The following C1QTNF3 variants were observed in gnomAD, a reference collection of about 807,000 sequenced individuals.
The protein encoded by C1QTNF3 is C1q and TNF related 3, also known as complement C1q tumor necrosis factor-related protein 3.
C1QTNF3 carries 26 observed loss-of-function variants against 32.6 expected under a neutral mutation model. The ratio of observed to expected loss-of-function variants is 0.80; its 90% CI spans 0.58 to 1.11. The LOEUF (loss-of-function observed/expected upper bound fraction) is 1.11. Ranked by LOEUF, C1QTNF3 falls within the 50% of genes least tolerant of loss-of-function variation. The pLI is 0.00. For synonymous variants in C1QTNF3, 155 were observed against 146.0 expected, an observed-to-expected ratio of 1.06 and a Z score of -0.44; for missense variants, 362 against 398.2, an observed-to-expected ratio of 0.91 and a Z score of 0.77.
intron 1 of C1QTNF3, among the ~76,000 whole-genome samples, chr5:34,037,992 G>A (rs1754782234): frequency 6.6e-6 from 1 of 152,126 alleles, no homozygotes; most frequent in African/African-American, 2.4e-5. Flanking sequence ...ATCCTCAAGT[G>A]GAACCATCGA....
the C1QTNF3 span, among the ~76,000 whole-genome samples, chr5:34,177,536 G>C: frequency 1.4e-5 from 2 of 145,766 alleles, no homozygotes; most frequent in African/African-American, 2.6e-5. Flanking sequence ...GCCCAGGCTG[G>C]AGTGCAGTGG....
chr5:34,156,609 T>C, the C1QTNF3 span, among the ~76,000 whole-genome samples: 3 of 152,188 alleles, frequency 2.0e-5, no homozygotes, highest in Admixed American at 2.0e-4. Flanking sequence ...TTCCCTACTT[T>C]ATTTGCACAG....
At chr5:34,045,723 A>C (rs1284194432), upstream of C1QTNF3, among the ~76,000 whole-genome samples, 1 of 151,950 alleles carries the variant, frequency 6.6e-6, no homozygotes, top group Non-Finnish European at 1.5e-5. Flanking sequence ...TTCTGCAAAG[A>C]AGGATCTCTC....
chr5:34,165,507 CT>C, the C1QTNF3 span: 2 of 152,126 alleles, frequency 1.3e-5, no homozygotes, highest in Admixed American at 1.3e-4. Context: ...AACACAGCAT[CT>C]GGTATTTAAA....
At chr5:34,169,006 G>A in the C1QTNF3 span, 1 of 152,228 alleles carries the variant, frequency 6.6e-6, no homozygotes, top group East Asian at 1.9e-4. Flanking sequence ...TTGAAAGAGG[G>A]AGTTTGGTCC....
the C1QTNF3 span, among the ~76,000 whole-genome samples, chr5:34,225,274 G>A: frequency 6.6e-6 from 1 of 151,950 alleles, no homozygotes; most frequent in Non-Finnish European, 1.5e-5. Flanking sequence ...AGAATTAAAT[G>A]AGTTATATAG....
chr5:34,155,156 A>C, the C1QTNF3 span, among the ~76,000 whole-genome samples: 1 of 152,178 alleles, frequency 6.6e-6, no homozygotes, highest in Non-Finnish European at 1.5e-5. Flanking sequence ...ATTATGACTA[A>C]AAAGGAGAAA....
At chr5:34,043,534 T>C (rs1179092631), upstream of C1QTNF3, 5 of 175,772 alleles carry the variant, frequency 2.8e-5, no homozygotes, top group Non-Finnish European at 6.0e-5. Context: ...TTTGGAAAAA[T>C]CTACCCTTGT....
At chr5:34,126,729 G>GTA in the C1QTNF3 span, among the ~76,000 whole-genome samples, 38 of 151,058 alleles carry the variant, frequency 2.5e-4, no homozygotes, top group Admixed American at 8.6e-4. Context: ...AGAAAAGGTG[G>GTA]TATATATATA....
the C1QTNF3 span, among the ~76,000 whole-genome samples, chr5:34,057,817 C>A: frequency 6.6e-6 from 1 of 152,264 alleles, no homozygotes; most frequent in Admixed American, 6.5e-5. Context: ...GTGAAGTAGG[C>A]CAGGAGGTGC....
chr5:34,218,697 TAATA>T, the C1QTNF3 span, among the ~76,000 whole-genome samples: 1 of 152,092 alleles, frequency 6.6e-6, no homozygotes, highest in Admixed American at 6.6e-5. Flanking sequence ...TATGCACTGA[TAATA>T]AATAAGAGTT....
chr5:34,161,040 C>T, the C1QTNF3 span, among the ~76,000 whole-genome samples: 1 of 152,170 alleles, frequency 6.6e-6, no homozygotes, highest in African/African-American at 2.4e-5. Context: ...GGGCATACTT[C>T]TGTCAGACAA....
At chr5:34,117,746 AG>A in the C1QTNF3 span, among the ~76,000 whole-genome samples, 108 of 152,172 alleles carry the variant, frequency 7.1e-4, 1 homozygote, top group East Asian at 9.1e-3. Context: ...ACTCCAGACT[AG>A]GCGACAGAGT....
At chr5:34,182,518 T>TA in the C1QTNF3 span, among the ~76,000 whole-genome samples, 16 of 129,896 alleles carry the variant, frequency 1.2e-4, no homozygotes, top group East Asian at 1.7e-3. Flanking sequence ...AATAAATAAA[T>TA]AAAAAATCTG....
chr5:34,125,279 T>G, the C1QTNF3 span, among the ~76,000 whole-genome samples: 1 of 152,000 alleles, frequency 6.6e-6, no homozygotes, highest in African/African-American at 2.4e-5. Context: ...AAGGAAATTT[T>G]ATAATATTTC....
the C1QTNF3 span, among the ~76,000 whole-genome samples, chr5:34,244,317 CAGCT>C: frequency 6.6e-6 from 1 of 152,122 alleles, no homozygotes; most frequent in Admixed American, 6.5e-5. Context: ...GTGAGTGTTA[CAGCT>C]CTGCGCAGAG....
At chr5:34,141,952 G>A in the C1QTNF3 span, among the ~76,000 whole-genome samples, 1 of 151,964 alleles carries the variant, frequency 6.6e-6, no homozygotes, top group Admixed American at 6.5e-5. Flanking sequence ...TGGGAGTGCC[G>A]AGCCAAGATC....
At chr5:34,113,449 G>A in the C1QTNF3 span, among the ~76,000 whole-genome samples, 1 of 151,470 alleles carries the variant, frequency 6.6e-6, no homozygotes, top group African/African-American at 2.4e-5. Context: ...AATATGTTTT[G>A]TTTTTCTCTT....
Position 34,043,118 on chromosome 5 carries a change from C to G in C1QTNF3, c.8G>C (p.Trp3Ser), listed in dbSNP as rs748777817. 36 of 1,611,744 alleles carry G rather than the reference C, an allele frequency of 2.2e-5. 1 individual carries two copies. The South Asian group carries it at 3.8e-4, about 17-fold the overall frequency. The stretch of plus-strand genomic sequence containing the variant: ...CAGTTGCCAATAGATGAGCTGCCTC[C>G]AAAGCATGATTCTCAACAGAGCCTC... ML[W>S]RQLIYWQLLA... Residue 3 changes from tryptophan to serine, a missense_variant, in exon 1 of 6, where the codon TGG becomes TCG. Transcript: ENST00000382065.
Sources: allele counts gnomAD v4.1 joint callset (sites outside exome capture counted in the v4.1 genomes callset), GRCh38; gene constraint gnomAD v4.1.1; transcripts MANE v1.5; gene names NCBI Gene and HGNC (gene_info 2026-07-23, HGNC 2026-07-21).